UFD1: variants seen among roughly 807,000 people sequenced by gnomAD.
UFD1 encodes the protein ubiquitin recognition factor in ER associated degradation 1, also known as ubiquitin recognition factor in ER-associated degradation protein 1.
Under a neutral mutation model 45.9 loss-of-function variants are expected in UFD1, and 13 were observed. The observed-to-expected ratio is 0.28, with a 90% CI of 0.18 to 0.45. The LOEUF is 0.45. Among genes scored for constraint, UFD1 ranks in the 20% least tolerant of loss-of-function variants. The probability of loss-of-function intolerance (pLI) is 1.00; values close to 1 mark genes in which losing one functional copy is unlikely to be tolerated. For missense variants in UFD1, 218 were observed against 389.2 expected (o/e 0.56, Z 3.70); for synonymous variants, 128 against 139.2 (o/e 0.92, Z 0.56).
intron 11 of UFD1, chr22:19,454,265 C>A: frequency 1.0e-6 from 1 of 998,120 alleles, no homozygotes; most frequent in East Asian, 1.1e-4. Flanking sequence ...AGCAGAGGGA[C>A]CCTAGGAAAG....
At chr22:19,474,346 A>C (rs938189408) in intron 3 of UFD1, among the ~76,000 whole-genome samples, 4 of 152,064 alleles carry the variant, frequency 2.6e-5, no homozygotes, top group African/African-American at 9.7e-5. Flanking sequence ...GGAGTTCAAG[A>C]CCAGCCTGCC....
At position 19,475,087 on chromosome 22, in the gene UFD1, G is replaced by C. The variant is rs1464047055; in HGVS notation, c.150C>G (p.Pro50=). ...ACTTACTGAGTTGGTCCAGGGCCGA[G>C]GGTGGCATAATTACTGTGGAAAGAA... The part of the protein sequence containing the change: ...VEKGGKIIMP[P]SALDQLSRLN... The change falls in exon 3 of 12, where the codon CCC becomes CCG. Residue 50 remains proline, a synonymous_variant. Coordinates refer to ENST00000263202, the MANE Select transcript of UFD1 (RefSeq NM_005659.7). 1.4e-5 allele frequency: 22 copies of C among 1,609,558 alleles called. No homozygotes were observed. In the East Asian group the frequency reaches 4.9e-4, roughly 36 times the overall value.
At chr22:19,457,080 C>T (rs1056428735) in intron 7 of UFD1, 162 bp from the exon 8 acceptor site, 2 of 626,050 alleles carry the variant, frequency 3.2e-6, no homozygotes, top group African/African-American at 3.7e-5. Flanking sequence ...TAGCATCTTA[C>T]AAAATTACAG....
At chr22:19,463,499 C>T (rs913555381) in intron 6 of UFD1, among the ~76,000 whole-genome samples, 9 of 152,132 alleles carry the variant, frequency 5.9e-5, no homozygotes, top group Non-Finnish European at 8.8e-5. Flanking sequence ...TTTATTGTCT[C>T]TGCTTTGGTG....
chr22:19,454,920 A>C lies in UFD1; in HGVS notation c.768-90T>G, dbSNP rs563224418. ...GACAGTCAAGAGGAACGCAGAAAAG[A>C]TGCTGCTGCACCCCACCTGGGCCCT... On this transcript the variant is annotated intron_variant, in intron 10 of 11. Coordinates refer to ENST00000263202, the MANE Select transcript of UFD1 (RefSeq NM_005659.7). 3.5e-4 allele frequency: 504 copies of C among 1,427,030 alleles called. 6 individuals are homozygous for C. In the South Asian group the frequency reaches 5.3e-3, roughly 15 times the overall value. 88.4% of individuals were successfully genotyped at this position (1,427,030 alleles called of 1,614,324 possible). A position where few individuals can be genotyped will look rare whatever the true frequency, so the allele number is the denominator to read the frequency against.
At chr22:19,469,953 C>T (rs761805496) in intron 4 of UFD1, 4 of 518,646 alleles carry the variant, frequency 7.7e-6, no homozygotes, top group Admixed American at 1.9e-5. Flanking sequence ...GGAGAACCTT[C>T]GAGATACAGT....
chr22:19,453,628 C>T (rs2089699607), intron 11 of UFD1: 2 of 985,494 alleles, frequency 2.0e-6, no homozygotes, highest in Non-Finnish European at 2.4e-6. Flanking sequence ...TGAGGTCTGA[C>T]TGGCCACTAT....
chr22:19,457,974 G>A, intron 7 of UFD1, 97 bp downstream of exon 7: 1 of 1,230,132 alleles, frequency 8.1e-7, no homozygotes, highest in Non-Finnish European at 1.2e-6. Context: ...AGTCCCAGGG[G>A]CTGTTTGATG....
chr22:19,475,183 A>G, intron 2 of UFD1, 83 bp from the exon 3 acceptor site: 1 of 1,402,434 alleles, frequency 7.1e-7, no homozygotes, highest in Non-Finnish European at 9.7e-7. Context: ...CTTTATATCT[A>G]ACAAAAAGCC....
Position 19,456,859 on chromosome 22 carries a change from C to T in UFD1, c.624G>A (p.Glu208=). 1 of 1,613,786 alleles carries T rather than the reference C, an allele frequency of 6.2e-7. No homozygotes were observed. The highest frequency in any genetic ancestry group is 8.5e-7 in the Non-Finnish European group (1 of 1,179,830). The change falls in exon 8 of 12, where the codon GAG becomes GAA. Residue 208 remains glutamate, a synonymous_variant. Coordinates refer to ENST00000263202, the MANE Select transcript of UFD1 (RefSeq NM_005659.7). The stretch of plus-strand genomic sequence containing the variant: ...CACTGAGGATAACACTTACTGTCGA[C>T]TCCTCATGCTGGACTTGTCTTTCGG... The part of the protein sequence containing the change: ...KEPERQVQHE[E]STEGEADHSG...
At chr22:19,469,677 G>A (rs2089829562) in intron 4 of UFD1, among the ~76,000 whole-genome samples, 2 of 152,184 alleles carry the variant, frequency 1.3e-5, no homozygotes, top group South Asian at 4.1e-4. Flanking sequence ...TGGGTGGGAT[G>A]GAGTCCACCA....
intron 2 of UFD1, 55 bp downstream of exon 2, chr22:19,475,415 G>A: frequency 6.2e-7 from 1 of 1,607,052 alleles, no homozygotes. Context: ...GAAGGCTACA[G>A]CATTGCAGAC....
At chr22:19,465,520 C>T (rs1343475619) in intron 5 of UFD1, 4 of 468,220 alleles carry the variant, frequency 8.5e-6, no homozygotes, top group African/African-American at 5.9e-5. Context: ...AATAACCAAC[C>T]ACAAAAGGGC....
chr22:19,451,546 T>C (rs2089682855), intron 11 of UFD1: 1 of 985,304 alleles, frequency 1.0e-6, no homozygotes, highest in South Asian at 4.7e-5. Context: ...TTTTTTCACA[T>C]GCTTTTATTG....
At chr22:19,451,178 A>G in intron 11 of UFD1, 1 of 987,458 alleles carries the variant, frequency 1.0e-6, no homozygotes, top group South Asian at 4.6e-5. Flanking sequence ...ATTTCAGGTC[A>G]CTTTTCTGTA....
chr22:19,475,675 G>A, intron 1 of UFD1, 73 bp from the exon 2 acceptor site: 1 of 1,527,192 alleles, frequency 6.5e-7, no homozygotes. Context: ...AAACATGTCA[G>A]AGTAATTAAT....
At chr22:19,469,946 G>C (rs774884975) in intron 4 of UFD1, 1 of 518,636 alleles carries the variant, frequency 1.9e-6, no homozygotes. Flanking sequence ...GGTTAAAGGA[G>C]AACCTTCGAG....
chr22:19,475,571 G>T lies in UFD1; in HGVS notation c.35C>A (p.Pro12His). ...FSFNMFDHPI[P>H]RVFQNRFSTQ... Reference sequence around the variant, plus strand: ...GGAGAAGCGGTTTTGGAAGACCCTGGGAATAGGGTGGTCGAACATGTTGAA... The same window carrying T: ...GGAGAAGCGGTTTTGGAAGACCCTGTGAATAGGGTGGTCGAACATGTTGAA... The change falls in exon 2 of 12, where the codon CCC (proline) becomes CAC (histidine). Residue 12 changes from proline to histidine, a missense_variant. Pro to His is a moderately conservative substitution (Grantham distance 77). Around this residue, in one of 2 missense-constraint regions of UFD1, gnomAD observed 149 missense variants for 307.5 expected, o/e 0.48. Transcript: ENST00000263202. The T allele has an allele frequency of 6.2e-7, 1 of 1,614,172 alleles. No individual in the cohort carries two copies. Among genetic ancestry groups the T allele is most frequent in the Non-Finnish European group, 8.5e-7 (1 of 1,180,022 alleles).
chr22:19,476,468 A>G (rs2089882144), intron 1 of UFD1, among the ~76,000 whole-genome samples: 1 of 152,152 alleles, frequency 6.6e-6, no homozygotes, highest in African/African-American at 2.4e-5. Context: ...CTAAAACATG[A>G]TGCCATTAAA....
Sources: gnomAD v4.1 joint callset for allele counts (sites outside exome capture counted in the v4.1 genomes callset) on GRCh38, gnomAD v4.1.1 for gene constraint, gnomAD v4.1.1 regional missense constraint, MANE v1.5 for transcripts, NCBI Gene and HGNC (gene_info 2026-07-23, HGNC 2026-07-21) for gene names.